FHIT: variants seen among roughly 807,000 people sequenced by gnomAD.
FHIT encodes fragile histidine triad diadenosine triphosphatase.
FHIT carries 19 observed loss-of-function variants against 17.9 expected under a neutral mutation model. The ratio of observed to expected loss-of-function variants is 1.06; its 90% CI spans 0.74 to 1.56. The LOEUF (loss-of-function observed/expected upper bound fraction) is 1.56. Ranked by LOEUF, FHIT falls within the 40% of genes most tolerant of loss-of-function variation. The pLI is 0.00. For missense variants in FHIT, 248 were observed against 189.2 expected (o/e 1.31, Z -1.82); for synonymous variants, 81 against 69.7 (o/e 1.16, Z -0.81).
intron 8 of FHIT, among the ~76,000 whole-genome samples, chr3:59,838,214 C>T (rs1426536029): frequency 6.6e-6 from 1 of 152,110 alleles, no homozygotes; most frequent in Non-Finnish European, 1.5e-5. Context: ...TTCCCTGACC[C>T]CAGTCCCACT....
chr3:60,454,277 G>T (rs1240734955), intron 5 of FHIT, among the ~76,000 whole-genome samples: 2 of 152,108 alleles, frequency 1.3e-5, no homozygotes, highest in Non-Finnish European at 2.9e-5. Context: ...GACCCTCACT[G>T]AGGGCACTTT....
chr3:59,758,479 G>C (rs1013244186), intron 8 of FHIT, among the ~76,000 whole-genome samples: 2 of 152,154 alleles, frequency 1.3e-5, no homozygotes, highest in Admixed American at 6.5e-5. Context: ...CAAATGCAAA[G>C]CTGCAAACAG....
chr3:60,027,146 C>A (rs201957587), intron 5 of FHIT, among the ~76,000 whole-genome samples: 46,933 of 121,368 alleles, frequency 0.39, 8,854 homozygotes, highest in East Asian at 0.59. Flanking sequence ...CACACACACA[C>A]ACAAAATTAG....
intron 4 of FHIT, among the ~76,000 whole-genome samples, chr3:60,553,990 G>C (rs530658962): frequency 3.7e-4 from 57 of 152,256 alleles, no homozygotes; most frequent in Admixed American, 7.2e-4. Flanking sequence ...GGGAGGCTGA[G>C]GCAGGAGAAT....
intron 5 of FHIT, among the ~76,000 whole-genome samples, chr3:60,290,408 T>C (rs1268295991): frequency 6.6e-6 from 1 of 152,004 alleles, no homozygotes; most frequent in Non-Finnish European, 1.5e-5. Context: ...TCACCCTTTC[T>C]CTGCCCTCTT....
chr3:60,529,802 T>C (rs1038262659), intron 5 of FHIT, among the ~76,000 whole-genome samples: 1 of 152,184 alleles, frequency 6.6e-6, no homozygotes, highest in African/African-American at 2.4e-5. Context: ...ATAAGAAATA[T>C]TTGAAGTGTT....
chr3:59,822,223 A>AT (rs1405550411), intron 8 of FHIT, among the ~76,000 whole-genome samples: 1 of 152,040 alleles, frequency 6.6e-6, no homozygotes, highest in African/African-American at 2.4e-5. Flanking sequence ...GGCTGTCCAT[A>AT]TTTTTGCAAT....
intron 3 of FHIT, among the ~76,000 whole-genome samples, chr3:60,860,165 C>A (rs1241483398): frequency 7.5e-5 from 6 of 79,958 alleles, no homozygotes; most frequent in South Asian, 3.2e-4. Context: ...TGATATACAT[C>A]ATATGTATAT....
intron 7 of FHIT, among the ~76,000 whole-genome samples, chr3:59,948,488 G>A (rs1267132792): frequency 6.6e-6 from 1 of 151,680 alleles, no homozygotes; most frequent in Non-Finnish European, 1.5e-5. Flanking sequence ...CTGCACTCCA[G>A]CCTGGGCAAC....
At chr3:60,058,160 A>G (rs1228798430) in intron 5 of FHIT, among the ~76,000 whole-genome samples, 3 of 76,780 alleles carry the variant, frequency 3.9e-5, no homozygotes, top group African/African-American at 5.5e-5. Flanking sequence ...TTTTTTTTTG[A>G]GACAGAGTCT....
intron 4 of FHIT, among the ~76,000 whole-genome samples, chr3:60,563,529 T>G (rs2037028272): frequency 6.6e-6 from 1 of 152,214 alleles, no homozygotes; most frequent in African/African-American, 2.4e-5. Flanking sequence ...AAGCTAGGCC[T>G]CTTGGGCCAA....
intron 2 of FHIT, among the ~76,000 whole-genome samples, chr3:61,113,183 T>A (rs1390215289): frequency 6.6e-6 from 1 of 152,052 alleles, no homozygotes; most frequent in African/African-American, 2.4e-5. Flanking sequence ...TTTTTATTTT[T>A]AATTTTTGTA....
intron 3 of FHIT, among the ~76,000 whole-genome samples, chr3:61,033,992 G>A (rs561082343): frequency 1.3e-5 from 2 of 152,162 alleles, no homozygotes; most frequent in East Asian, 3.9e-4. Context: ...GCTCAACTAA[G>A]GTACCAAGTC....
intron 5 of FHIT, among the ~76,000 whole-genome samples, chr3:60,258,385 C>T (rs142421885): frequency 3.4e-4 from 51 of 152,238 alleles, no homozygotes; most frequent in African/African-American, 1.2e-3. Context: ...TCCAGGCCCA[C>T]TTCCTCTTCT....
At chr3:60,343,375 A>G (rs1374923989) in intron 5 of FHIT, among the ~76,000 whole-genome samples, 4 of 152,140 alleles carry the variant, frequency 2.6e-5, no homozygotes, top group African/African-American at 9.7e-5. Context: ...AGATAGAACT[A>G]TAGGGAGGCA....
chr3:60,621,211 C>T (rs1376404718), intron 4 of FHIT, among the ~76,000 whole-genome samples: 2 of 139,556 alleles, frequency 1.4e-5, no homozygotes, highest in African/African-American at 2.7e-5. Context: ...TGCAGTGGCA[C>T]TATCTGGACA....
chr3:60,059,542 TTCTTTCCTG>T (rs1475627885), intron 5 of FHIT, among the ~76,000 whole-genome samples: 1 of 152,180 alleles, frequency 6.6e-6, no homozygotes, highest in Non-Finnish European at 1.5e-5. Flanking sequence ...ATACTTTCCT[TTCTTTCCTG>T]TGCTAAAGCT....
intron 5 of FHIT, among the ~76,000 whole-genome samples, chr3:60,233,781 TAGTG>T (rs1263887312): frequency 5.9e-5 from 9 of 152,114 alleles, no homozygotes; most frequent in Admixed American, 1.3e-4. Flanking sequence ...GTTCTTGTGA[TAGTG>T]AGTAAGTCCC....
At chr3:61,192,888 A>G (rs1451902022) in intron 2 of FHIT, among the ~76,000 whole-genome samples, 1 of 152,222 alleles carries the variant, frequency 6.6e-6, no homozygotes, top group Non-Finnish European at 1.5e-5. Flanking sequence ...ACCTTGTCTC[A>G]GTGTTGAATT....
Sources: allele counts gnomAD v4.1 joint callset (sites outside exome capture counted in the v4.1 genomes callset), GRCh38; gene constraint gnomAD v4.1.1; transcripts MANE v1.5; gene names NCBI Gene and HGNC (gene_info 2026-07-23, HGNC 2026-07-21).